NELL1: variants seen among roughly 807,000 people sequenced by gnomAD.
NELL1 encodes the protein protein kinase C-binding protein NELL1.
NELL1 carries 76 observed loss-of-function variants against 107.4 expected under a neutral mutation model. The observed-to-expected ratio is 0.71, with a 90% CI of 0.59 to 0.86. NELL1 has a LOEUF of 0.86. Ranked by LOEUF, NELL1 falls within the 40% of genes least tolerant of loss-of-function variation. The pLI, the probability that NELL1 is intolerant of heterozygous loss-of-function variation, is 0.00. For missense variants in NELL1, 1,024 were observed against 1,005.5 expected (o/e 1.02, Z -0.25); for synonymous variants, 353 against 341.2 (o/e 1.03, Z -0.38).
At chr11:20,704,834 T>A (rs557204441) in intron 2 of NELL1, among the ~76,000 whole-genome samples, 1 of 152,182 alleles carries the variant, frequency 6.6e-6, no homozygotes, top group Non-Finnish European at 1.5e-5. Context: ...AAAATCAATA[T>A]GCAAAAATTC....
chr11:20,751,310 T>C (rs1273976269), intron 2 of NELL1, among the ~76,000 whole-genome samples: 1 of 152,230 alleles, frequency 6.6e-6, no homozygotes, highest in Non-Finnish European at 1.5e-5. Context: ...GCATCAATTT[T>C]GGATAATGCA....
At chr11:21,503,463 G>A (rs959978168) in intron 15 of NELL1, among the ~76,000 whole-genome samples, 1 of 152,100 alleles carries the variant, frequency 6.6e-6, no homozygotes, top group Non-Finnish European at 1.5e-5. Context: ...TTTGAGTCTT[G>A]TTCTGTCTCA....
At chr11:21,121,229 C>T (rs909632105) in intron 13 of NELL1, among the ~76,000 whole-genome samples, 5 of 152,028 alleles carry the variant, frequency 3.3e-5, no homozygotes, top group African/African-American at 1.2e-4. Context: ...TATGAATTGC[C>T]CACTGTATTT....
chr11:21,235,934 G>T (rs1269786804), intron 14 of NELL1, among the ~76,000 whole-genome samples: 2 of 151,994 alleles, frequency 1.3e-5, no homozygotes, highest in East Asian at 1.9e-4. Context: ...GGCACTCAAG[G>T]CCCTGTGACA....
intron 2 of NELL1, among the ~76,000 whole-genome samples, chr11:20,746,424 A>G (rs1268873819): frequency 6.6e-6 from 1 of 152,102 alleles, no homozygotes; most frequent in African/African-American, 2.4e-5. Flanking sequence ...AACCACTCCA[A>G]CCTCAGACTT....
Position 20,669,846 on chromosome 11 carries a change from G to T in NELL1, c.55+68G>T. The T allele has an allele frequency of 7.5e-7, 1 of 1,334,774 alleles. No individual in the cohort carries two copies. Among genetic ancestry groups the T allele is most frequent in the South Asian group, 1.2e-5 (1 of 85,010 alleles). The allele number at this position is 1,334,774 out of a possible 1,614,324, so 82.7% of individuals were successfully genotyped here. A position where few individuals can be genotyped will look rare whatever the true frequency, so the allele number is the denominator to read the frequency against. On this transcript the variant is annotated intron_variant, in intron 1 of 19. Transcript: ENST00000357134. This position sits in a 1 kb window ranked among gnomAD's most constrained non-coding sequence, Gnocchi z 4.4. ...GTGCCCACAGACCACGGCGGCGTGG[G>T]GAGACCTGGAGCCGAGCTTTGCGCT... is the stretch of plus-strand genomic sequence containing the variant.
At chr11:21,353,094 A>G (rs991333987) in intron 14 of NELL1, among the ~76,000 whole-genome samples, 12 of 152,170 alleles carry the variant, frequency 7.9e-5, no homozygotes, top group African/African-American at 2.7e-4. Context: ...AAAGATGAAC[A>G]TTATGGAAAC....
intron 14 of NELL1, among the ~76,000 whole-genome samples, chr11:21,361,977 TTATC>T (rs1244691795): frequency 7.2e-5 from 11 of 152,220 alleles, no homozygotes; most frequent in Admixed American, 3.3e-4. Flanking sequence ...TTCAAATTCT[TTATC>T]TAGCAATTCA....
intron 18 of NELL1, among the ~76,000 whole-genome samples, chr11:21,571,217 C>A (rs1193357459): frequency 6.6e-6 from 1 of 151,870 alleles, no homozygotes; most frequent in Non-Finnish European, 1.5e-5. Flanking sequence ...AAAATCTCTG[C>A]AAGAAAGGAA....
intron 14 of NELL1, among the ~76,000 whole-genome samples, chr11:21,246,142 C>T (rs1036603312): frequency 6.6e-6 from 1 of 152,094 alleles, no homozygotes; most frequent in Non-Finnish European, 1.5e-5. Context: ...GTCTATATGT[C>T]AGGCACTGGG....
chr11:21,350,016 A>T (rs1850769663), intron 14 of NELL1, among the ~76,000 whole-genome samples: 1 of 152,158 alleles, frequency 6.6e-6, no homozygotes. Context: ...AATTTTTAAA[A>T]ATCTGATAGA....
intron 13 of NELL1, among the ~76,000 whole-genome samples, chr11:21,159,471 T>C (rs533104258): frequency 1.2e-3 from 182 of 152,348 alleles, no homozygotes; most frequent in Non-Finnish European, 1.9e-3. Context: ...ACTTGAATAC[T>C]TGCCACTGTG....
chr11:20,776,613 G>T (rs1353114680), intron 2 of NELL1, among the ~76,000 whole-genome samples: 1 of 151,982 alleles, frequency 6.6e-6, no homozygotes, highest in Non-Finnish European at 1.5e-5. Flanking sequence ...AGAGAAAACT[G>T]GTCTGAGGAG....
At chr11:21,092,527 C>T (rs61880816) in intron 12 of NELL1, among the ~76,000 whole-genome samples, 3,840 of 151,970 alleles carry the variant, frequency 0.025, 73 homozygotes, top group Middle Eastern at 0.044. Context: ...CTGTGTATTT[C>T]CTAAAATGAT....
At position 20,673,150 on chromosome 11, in the gene NELL1, C is replaced by A. The variant is rs375441464; in HGVS notation, c.55+3372C>A. Among the ~76,000 whole-genome samples the A allele has an allele frequency of 2.6e-4, 40 of 152,216 alleles. 2 individuals are homozygous for A. In the South Asian group the frequency reaches 5.2e-3, roughly 20 times the overall value. On this transcript the variant is annotated intron_variant, in intron 1 of 19. Coordinates refer to ENST00000357134, the MANE Select transcript of NELL1 (RefSeq NM_006157.5). ...GTGCTGAGATTACAGGTGTGAGCCACTGCGCCTGGCCAAGAGATTTTCTTT... is the reference window on the plus strand; with the variant it reads ...GTGCTGAGATTACAGGTGTGAGCCAATGCGCCTGGCCAAGAGATTTTCTTT...
intron 14 of NELL1, among the ~76,000 whole-genome samples, chr11:21,364,747 C>T (rs982772404): frequency 6.6e-6 from 1 of 152,124 alleles, no homozygotes; most frequent in Non-Finnish European, 1.5e-5. Context: ...GGGCAAAAGT[C>T]TGTATGCAGA....
chr11:21,107,758 A>G (rs1855004943), intron 12 of NELL1, among the ~76,000 whole-genome samples: 2 of 152,178 alleles, frequency 1.3e-5, no homozygotes, highest in South Asian at 2.1e-4. Context: ...ATGTGTCAAG[A>G]ACTTTAGAAG....
chr11:20,960,227 T>A (rs1851262183), intron 11 of NELL1, among the ~76,000 whole-genome samples: 1 of 152,090 alleles, frequency 6.6e-6, no homozygotes, highest in Non-Finnish European at 1.5e-5. Flanking sequence ...AATTTGAGTA[T>A]GGGTGGGGGA....
intron 12 of NELL1, among the ~76,000 whole-genome samples, chr11:21,072,604 G>A (rs1440220181): frequency 6.6e-6 from 1 of 152,128 alleles, no homozygotes; most frequent in Non-Finnish European, 1.5e-5. Flanking sequence ...ACAGACTAAA[G>A]ATAGGTGGTT....
Sources: gnomAD v4.1 joint callset for allele counts (sites outside exome capture counted in the v4.1 genomes callset) on GRCh38, gnomAD v4.1.1 for gene constraint, Gnocchi (gnomAD v3.1) non-coding constraint, MANE v1.5 for transcripts, NCBI Gene and HGNC (gene_info 2026-07-23, HGNC 2026-07-21) for gene names.